CYRIA: variants seen among roughly 807,000 people sequenced by gnomAD.
CYRIA encodes CYFIP-related Rac1 interactor A.
Under a neutral mutation model 43.9 loss-of-function variants are expected in CYRIA, and 15 were observed. That is an observed-to-expected ratio of 0.34 (90% confidence interval 0.23 to 0.53). The LOEUF is 0.53. CYRIA is among the 20% of genes least tolerant of loss of function. CYRIA has a pLI of 0.94. For synonymous variants in CYRIA, 117 were observed against 136.0 expected (o/e 0.86, Z 0.97); for missense variants, 236 against 394.2 (o/e 0.60, Z 3.40).
At position 16,573,457 on chromosome 2, in the gene CYRIA, G is replaced by C. The variant is rs115297227; in HGVS notation, c.71-7690C>G. 6.2e-3 allele frequency among the ~76,000 whole-genome samples: 939 copies of C among 152,266 alleles called. 7 individuals are homozygous for C. Among genetic ancestry groups the C allele is most frequent in the African/African-American group, 0.022 (908 of 41,544 alleles). ...GTACCCAGCCAAGGTATGAGAGAAA[G>C]ATAAAATCCAGAATTGAAGACAGAG... is the stretch of plus-strand genomic sequence containing the variant. On this transcript the variant is annotated intron_variant, in intron 3 of 11. Coordinates refer to ENST00000381323, the MANE Select transcript of CYRIA (RefSeq NM_030797.4).
At chr2:16,605,506 C>A (rs1195977880) in intron 2 of CYRIA, among the ~76,000 whole-genome samples, 1 of 152,170 alleles carries the variant, frequency 6.6e-6, no homozygotes, top group East Asian at 1.9e-4. Flanking sequence ...GGCAGGTGGA[C>A]ACTCTCAGCC....
chr2:16,559,290 A>T (rs767970040), intron 10 of CYRIA, among the ~76,000 whole-genome samples, 170 bp downstream of exon 10: 6 of 152,194 alleles, frequency 3.9e-5, no homozygotes, highest in South Asian at 2.1e-4. Flanking sequence ...TTTCCTAAGC[A>T]CAAGAAAAAG....
At chr2:16,589,195 C>A (rs1026052550) in intron 2 of CYRIA, among the ~76,000 whole-genome samples, 1 of 152,092 alleles carries the variant, frequency 6.6e-6, no homozygotes, top group African/African-American at 2.4e-5. Context: ...TGTGAAGGAT[C>A]AGTTTGAAAA....
At chr2:16,570,415 T>C (rs1420205049) in intron 3 of CYRIA, among the ~76,000 whole-genome samples, 1 of 152,194 alleles carries the variant, frequency 6.6e-6, no homozygotes, top group African/African-American at 2.4e-5. Flanking sequence ...AGGGTATTTG[T>C]TGAGTCTGAC....
chr2:16,597,274 C>G (rs1431315006), intron 2 of CYRIA, among the ~76,000 whole-genome samples: 1 of 42,518 alleles, frequency 2.4e-5, no homozygotes, highest in East Asian at 6.1e-4. Flanking sequence ...GAGTTCAATT[C>G]CTGGGTATCC....
rs549726452 is a variant in CYRIA, at chr2:16,567,148, G to T, written c.71-1381C>A. Reference sequence around the variant, plus strand: ...GGGCTGGGTGCAGTGGCTCACACTTGTAATCCCAGCATTTTGGGAGGCTGA... The same window carrying T: ...GGGCTGGGTGCAGTGGCTCACACTTTTAATCCCAGCATTTTGGGAGGCTGA... On this transcript the variant is annotated intron_variant, in intron 3 of 11. Coordinates refer to ENST00000381323, the MANE Select transcript of CYRIA (RefSeq NM_030797.4). Among the ~76,000 whole-genome samples the T allele has an allele frequency of 2.8e-3, 419 of 152,288 alleles. 2 individuals carry two copies. The highest frequency in any genetic ancestry group is 6.4e-3 in the Admixed American group (98 of 15,288).
chr2:16,576,401 AC>A (rs1290189294), intron 3 of CYRIA, among the ~76,000 whole-genome samples: 1 of 152,184 alleles, frequency 6.6e-6, no homozygotes, highest in Non-Finnish European at 1.5e-5. Context: ...GAATATAGAG[AC>A]TTTTTTCAGG....
chr2:16,655,580 G>A (rs971691375), intron 1 of CYRIA, among the ~76,000 whole-genome samples: 1 of 152,162 alleles, frequency 6.6e-6, no homozygotes, highest in African/African-American at 2.4e-5. Context: ...GCTAAGCCCT[G>A]CTTGGGCTTG....
At chr2:16,578,738 A>C (rs1221197276) in intron 3 of CYRIA, among the ~76,000 whole-genome samples, 5 of 152,138 alleles carry the variant, frequency 3.3e-5, no homozygotes, top group African/African-American at 9.6e-5. Flanking sequence ...AGAAAAAAAG[A>C]ATTTAAAAAA....
Position 16,561,485 on chromosome 2 carries a change from T to C in CYRIA, c.484A>G (p.Ile162Val). The change falls in exon 7 of 12, where the codon ATC (isoleucine) becomes GTC (valine). Residue 162 changes from isoleucine (I) to valine (V), a missense_variant. Around this residue, in one of 3 missense-constraint regions of CYRIA, gnomAD observed 193 missense variants for 303.9 expected, o/e 0.64. Coordinates refer to ENST00000381323, the MANE Select transcript of CYRIA (RefSeq NM_030797.4). The part of the protein sequence containing the change: ...QNDFSYYRRT[I>V]SRNRINNMHL... ...ATGTTGTTGATGCGGTTGCGACTGATTGTTCTTCTGTAGTAGCTGAAGTCA... is the reference window on the plus strand; with the variant it reads ...ATGTTGTTGATGCGGTTGCGACTGACTGTTCTTCTGTAGTAGCTGAAGTCA... 1 of 1,613,852 alleles carries C rather than the reference T, an allele frequency of 6.2e-7. No individual in the cohort carries two copies. Among genetic ancestry groups the C allele is most frequent in the Non-Finnish European group, 8.5e-7 (1 of 1,179,792 alleles).
At chr2:16,624,229 C>T (rs1237254799) in intron 1 of CYRIA, among the ~76,000 whole-genome samples, 3 of 152,210 alleles carry the variant, frequency 2.0e-5, no homozygotes, top group Admixed American at 6.5e-5. Context: ...AGGGACTCAG[C>T]AGTTTGGGAG....
intron 1 of CYRIA, among the ~76,000 whole-genome samples, chr2:16,663,453 G>A (rs556769181): frequency 1.1e-4 from 17 of 152,232 alleles, no homozygotes; most frequent in Non-Finnish European, 2.4e-4. Flanking sequence ...GAAAAGAAGA[G>A]CGTGTACTGA....
intron 10 of CYRIA, among the ~76,000 whole-genome samples, chr2:16,557,031 T>C (rs556539569): frequency 1.2e-3 from 178 of 152,248 alleles, no homozygotes; most frequent in African/African-American, 4.0e-3. Flanking sequence ...TCTGGAATTC[T>C]GGATAAAATC....
Position 16,552,968 on chromosome 2 carries a change from T to C in CYRIA, c.940A>G (p.Thr314Ala), listed in dbSNP as rs375357516. 5.0e-6 allele frequency: 8 copies of C among 1,611,210 alleles called. No homozygotes were observed. The highest frequency in any genetic ancestry group is 1.7e-5 in the Admixed American group (1 of 59,942). The change falls in exon 12 of 12, where the codon ACT becomes GCT. Residue 314 changes from threonine to alanine, a missense_variant. Physicochemically the swap from Thr to Ala is moderately conservative, Grantham distance 58. Around this residue, in one of 3 missense-constraint regions of CYRIA, gnomAD observed 40 missense variants for 62.2 expected, o/e 0.64. Transcript: ENST00000381323. ...AGCATTGCTCGAATCTGTTTGGAAG[T>C]TGATTCATCGTTCAAGTGCTTTGTA... Reference protein sequence around the residue: ...FTTKHLNDESTSKQIRAMLQ With the variant: ...FTTKHLNDESASKQIRAMLQ
chr2:16,603,288 C>T (rs1365521877), intron 2 of CYRIA, among the ~76,000 whole-genome samples: 1 of 152,158 alleles, frequency 6.6e-6, no homozygotes, highest in Non-Finnish European at 1.5e-5. Context: ...ATCTGCAGGC[C>T]AGAGTGAGGA....
chr2:16,555,346 T>C (rs1666468181), intron 10 of CYRIA, among the ~76,000 whole-genome samples: 1 of 144,156 alleles, frequency 6.9e-6, no homozygotes, highest in African/African-American at 2.7e-5. Flanking sequence ...GCAATCATTA[T>C]CAATTTTCAT....
At chr2:16,581,401 AC>A (rs1302018900) in intron 3 of CYRIA, among the ~76,000 whole-genome samples, 3 of 152,180 alleles carry the variant, frequency 2.0e-5, no homozygotes, top group Non-Finnish European at 4.4e-5. Context: ...ATGGGATGCT[AC>A]CCCACCACTG....
chr2:16,639,436 T>A (rs1373852266), intron 1 of CYRIA, among the ~76,000 whole-genome samples: 1 of 152,256 alleles, frequency 6.6e-6, no homozygotes, highest in Non-Finnish European at 1.5e-5. Context: ...GCCCAGTTGA[T>A]TTCAGTTTCC....
intron 3 of CYRIA, among the ~76,000 whole-genome samples, chr2:16,581,884 C>T (rs1182666274): frequency 6.6e-6 from 1 of 152,124 alleles, no homozygotes; most frequent in Non-Finnish European, 1.5e-5. Flanking sequence ...ACTATTGATA[C>T]ATGTAATGAC....
Sources: allele counts gnomAD v4.1 joint callset (sites outside exome capture counted in the v4.1 genomes callset), GRCh38; gene constraint gnomAD v4.1.1; regional missense constraint gnomAD v4.1.1; transcripts MANE v1.5; gene names NCBI Gene and HGNC (gene_info 2026-07-23, HGNC 2026-07-21).